PCDHA6: variants seen among roughly 807,000 people sequenced by gnomAD.
The protein encoded by PCDHA6 is protocadherin alpha-6.
PCDHA6 carries 55 observed loss-of-function variants against 60.3 expected under a neutral mutation model. The ratio of observed to expected loss-of-function variants is 0.91; its 90% CI spans 0.73 to 1.14. PCDHA6 has a LOEUF of 1.14. Among genes scored for constraint, PCDHA6 ranks in the 50% most tolerant of loss-of-function variants. The pLI, the probability that PCDHA6 is intolerant of heterozygous loss-of-function variation, is 0.00. For missense variants in PCDHA6, 1,327 were observed against 1,256.5 expected, an observed-to-expected ratio of 1.06 and a Z score of -0.85; for synonymous variants, 652 against 557.9, an observed-to-expected ratio of 1.17 and a Z score of -2.38.
At chr5:140,837,001 C>A in intron 1 of PCDHA6, 1 of 327,960 alleles carries the variant, frequency 3.0e-6, no homozygotes, top group Non-Finnish European at 5.5e-6. Flanking sequence ...CTAACTGGAG[C>A]AATGGATTCA....
intron 1 of PCDHA6, chr5:140,852,739 A>G: frequency 2.0e-6 from 2 of 984,418 alleles, no homozygotes. Flanking sequence ...TTCATGTGCC[A>G]TTTAAACTTG....
At chr5:140,937,788 T>C (rs2091751340) in intron 1 of PCDHA6, among the ~76,000 whole-genome samples, 1 of 149,320 alleles carries the variant, frequency 6.7e-6, no homozygotes, top group African/African-American at 2.5e-5. Flanking sequence ...GGCGGGCGTA[T>C]GTAGTCCCAG....
At position 140,896,169 on chromosome 5, in the gene PCDHA6, GT is replaced by G. The variant is rs1473218621; in HGVS notation, c.2394+65685del. Among the ~76,000 whole-genome samples, 40 of 152,274 alleles carry G rather than the reference GT, an allele frequency of 2.6e-4. 1 individual carries two copies. The East Asian group carries it at 5.2e-3, about 20-fold the overall frequency. ...TGATGGGCATTTAGGATTATTCTCT[GT>G]CTTTGCTATTGTGAATAGTGCCATG... is the stretch of plus-strand genomic sequence containing the variant. On this transcript the variant is annotated intron_variant, in intron 1 of 3. Transcript: ENST00000529310.
intron 1 of PCDHA6, chr5:140,870,529 G>A (rs2052113654): frequency 6.2e-7 from 1 of 1,614,096 alleles, no homozygotes. Context: ...CATCTTCACA[G>A]TGTCGGCGCG....
chr5:140,985,946 A>G (rs1265124776), intron 3 of PCDHA6, among the ~76,000 whole-genome samples: 1 of 151,962 alleles, frequency 6.6e-6, no homozygotes, highest in Non-Finnish European at 1.5e-5. Flanking sequence ...TCACTGTGTT[A>G]GCCAGGATGG....
At position 141,009,806 on chromosome 5, in the gene PCDHA6, A is replaced by G. The variant is rs781853535; in HGVS notation, c.2722A>G (p.Ile908Val). 18 of 1,614,018 alleles carry G rather than the reference A, an allele frequency of 1.1e-5. No individual in the cohort carries two copies. Among genetic ancestry groups the G allele is most frequent in the Non-Finnish European group, 1.5e-5 (18 of 1,180,028 alleles). ...SIRQEPTNSQ[I>V]DKSDFITFGK... is the part of the protein sequence containing the mutation. ...CCGGCAGGAGCCTACTAACAGCCAA[A>G]TTGACAAAAGTGACTTCATAACCTT... The change falls in exon 4 of 4, where the codon ATT becomes GTT. Residue 908 changes from isoleucine (I) to valine (V), a missense_variant. Physicochemically the swap from Ile to Val is conservative, Grantham distance 29 (BLOSUM62 3). Coordinates refer to ENST00000529310, the MANE Select transcript of PCDHA6 (RefSeq NM_018909.4).
chr5:140,964,600 A>G (rs1322521285), intron 1 of PCDHA6, among the ~76,000 whole-genome samples: 1 of 152,104 alleles, frequency 6.6e-6, no homozygotes, highest in Non-Finnish European at 1.5e-5. Flanking sequence ...TTTCATGACA[A>G]CTTACAACTT....
chr5:140,919,529 TC>T (rs2079177812), intron 1 of PCDHA6, among the ~76,000 whole-genome samples: 1 of 152,196 alleles, frequency 6.6e-6, no homozygotes. Context: ...TCTCTTTTTT[TC>T]CTATACTTTT....
chr5:140,870,947 G>A lies in PCDHA6; in HGVS notation c.2394+40462G>A. ...TCATATGAATTGCAGCCGGCGGCGGGCGGCTCGCGCATCCCGTTCCGCGTG... is the reference window on the plus strand; with the variant it reads ...TCATATGAATTGCAGCCGGCGGCGGACGGCTCGCGCATCCCGTTCCGCGTG... On this transcript the variant is annotated intron_variant, in intron 1 of 3. Coordinates refer to ENST00000529310, the MANE Select transcript of PCDHA6 (RefSeq NM_018909.4). The A allele has an allele frequency of 6.2e-7, 1 of 1,613,700 alleles. No homozygotes were observed. Among genetic ancestry groups the A allele is most frequent in the Non-Finnish European group, 8.5e-7 (1 of 1,179,896 alleles).
chr5:140,876,146 C>T, intron 1 of PCDHA6: 1 of 1,613,952 alleles, frequency 6.2e-7, no homozygotes, highest in Non-Finnish European at 8.5e-7. Context: ...CTAACAGGGT[C>T]TGTCCAGATT....
At chr5:141,002,203 G>T (rs2153973237) in intron 3 of PCDHA6, among the ~76,000 whole-genome samples, 1 of 152,296 alleles carries the variant, frequency 6.6e-6, no homozygotes, top group East Asian at 1.9e-4. Flanking sequence ...ATAGTCCCCG[G>T]CTTTAATCAA....
At chr5:140,866,566 A>C (rs1554160398) in intron 1 of PCDHA6, 1 of 152,154 alleles carries the variant, frequency 6.6e-6, no homozygotes, top group Non-Finnish European at 1.5e-5. Context: ...TAATTTTGTT[A>C]ATACAGTGGT....
intron 1 of PCDHA6, chr5:140,842,887 G>A: frequency 6.3e-7 from 1 of 1,594,194 alleles, no homozygotes; most frequent in Non-Finnish European, 8.6e-7. Context: ...CGCTGCAGCC[G>A]CTGGACCACG....
chr5:140,934,373 T>G (rs1414749100), intron 1 of PCDHA6, among the ~76,000 whole-genome samples: 1 of 152,182 alleles, frequency 6.6e-6, no homozygotes, highest in African/African-American at 2.4e-5. Flanking sequence ...TGACTCCTTC[T>G]GTGGTTCTAT....
chr5:140,835,509 G>A, intron 1 of PCDHA6: 1 of 1,613,944 alleles, frequency 6.2e-7, no homozygotes, highest in Non-Finnish European at 8.5e-7. Context: ...TAGCGTGTTT[G>A]ACCGAGATTT....
intron 2 of PCDHA6, 129 bp from the exon 3 acceptor site, chr5:140,982,346 G>A: frequency 1.3e-6 from 2 of 1,492,346 alleles, no homozygotes; most frequent in South Asian, 2.7e-5. Context: ...AATTGCTTCA[G>A]TTCAAGCATG....
rs1310762753 is a variant in PCDHA6, at chr5:140,855,371, T to A, written c.2394+24886T>A. Among the ~76,000 whole-genome samples, 3 of 149,996 alleles carry A rather than the reference T, an allele frequency of 2.0e-5. 1 individual carries two copies. Among genetic ancestry groups the A allele is most frequent in the African/African-American group, 7.3e-5 (3 of 40,926 alleles). On this transcript the variant is annotated intron_variant, in intron 1 of 3. Transcript: ENST00000529310. ...GTCATGTGGCTAGTGAGTAGGATAATAGGAATCTAAATGGAGAAATGTCTG... is the reference window on the plus strand; with the variant it reads ...GTCATGTGGCTAGTGAGTAGGATAAAAGGAATCTAAATGGAGAAATGTCTG...
chr5:141,008,284 GC>G (rs2098367825), intron 3 of PCDHA6, among the ~76,000 whole-genome samples: 1 of 152,150 alleles, frequency 6.6e-6, no homozygotes, highest in Admixed American at 6.5e-5. Context: ...AATTGAAATA[GC>G]AGTTGTACCC....
intron 1 of PCDHA6, chr5:140,968,839 T>C (rs1426943047): frequency 1.3e-5 from 21 of 1,614,052 alleles, no homozygotes; most frequent in Non-Finnish European, 1.7e-5. Flanking sequence ...TCCCTGACAC[T>C]CAGAGGCATG....
Sources: gnomAD v4.1 joint callset for allele counts (sites outside exome capture counted in the v4.1 genomes callset) on GRCh38, gnomAD v4.1.1 for gene constraint, MANE v1.5 for transcripts, NCBI Gene and HGNC (gene_info 2026-07-23, HGNC 2026-07-21) for gene names.